FAAH2: variants seen among roughly 807,000 people sequenced by gnomAD.
FAAH2 encodes the protein fatty acid amide hydrolase 2, also known as fatty-acid amide hydrolase 2.
In FAAH2, 60 loss-of-function variants were observed where a neutral mutation model predicts 36.9. The observed-to-expected ratio is 1.63, with a 90% CI of 1.32 to 2.02. The LOEUF (loss-of-function observed/expected upper bound fraction) is 2.02. FAAH2 is among the 30% of genes most tolerant of loss of function. The pLI, the probability that FAAH2 is intolerant of heterozygous loss-of-function variation, is 0.00. For missense variants in FAAH2, 689 were observed against 397.5 expected (o/e 1.73, Z -6.23); for synonymous variants, 214 against 143.8 (o/e 1.49, Z -3.49).
At chrX:57,377,392 T>C (rs1456198180) in intron 5 of FAAH2, among the ~76,000 whole-genome samples, 1 of 112,557 alleles carries the variant, frequency 8.9e-6, no homozygotes, top group Non-Finnish European at 1.9e-5. Flanking sequence ...GCACCATTTA[T>C]TAAATAGGGA....
At chrX:57,253,859 C>T in the FAAH2 span, among the ~76,000 whole-genome samples, 382 of 111,804 alleles carry the variant, frequency 3.4e-3, 1 homozygote, top group African/African-American at 0.012. Context: ...GAAGAAATTG[C>T]ATTAATTAAT....
chrX:57,127,859 G>A, the FAAH2 span, among the ~76,000 whole-genome samples: 5 of 111,219 alleles, frequency 4.5e-5, no homozygotes, highest in African/African-American at 1.6e-4. Flanking sequence ...AAATATAAAC[G>A]TAAATATAGG....
chrX:57,446,954 T>G lies in FAAH2; in HGVS notation c.1143T>G (p.Leu381=). 1 of 1,209,822 alleles carries G rather than the reference T, an allele frequency of 8.3e-7. No homozygotes were observed. Among genetic ancestry groups the G allele is most frequent in the East Asian group, 3.0e-5 (1 of 33,759 alleles). Residue 381 remains leucine (L), a synonymous_variant, in exon 9 of 11, where the codon CTT becomes CTG. Coordinates refer to ENST00000374900, the MANE Select transcript of FAAH2 (RefSeq NM_174912.4). The part of the protein sequence containing the change: ...GKEPVKFVDL[L]GDHGKHVSPL... ...AACCTGTGAAATTTGTAGATTTGCT[T>G]GGTGACCATGGGAAACATGTCAGTC...
At chrX:57,268,806 G>T in the FAAH2 span, among the ~76,000 whole-genome samples, 1 of 111,915 alleles carries the variant, frequency 8.9e-6, no homozygotes, top group Non-Finnish European at 1.9e-5. Context: ...ACACAAACCA[G>T]TGACATTATA....
the FAAH2 span, among the ~76,000 whole-genome samples, chrX:57,231,222 C>T: frequency 1.8e-5 from 2 of 110,681 alleles, no homozygotes; most frequent in Non-Finnish European, 3.8e-5. Context: ...CACTTTTATT[C>T]ATGATTTTCT....
chrX:57,293,233 TGA>T (rs1569235349), intron 2 of FAAH2, among the ~76,000 whole-genome samples: 1 of 111,659 alleles, frequency 9.0e-6, no homozygotes, highest in African/African-American at 3.3e-5. Context: ...TTATTAAAAT[TGA>T]GTCACTTATT....
At chrX:57,314,450 G>A (rs2052780253) in intron 3 of FAAH2, among the ~76,000 whole-genome samples, 1 of 111,387 alleles carries the variant, frequency 9.0e-6, no homozygotes, top group Admixed American at 9.6e-5. Flanking sequence ...CAACTCATCT[G>A]TACATGGAGC....
At chrX:57,445,827 T>C (rs1249401709) in intron 8 of FAAH2, among the ~76,000 whole-genome samples, 2 of 112,203 alleles carry the variant, frequency 1.8e-5, no homozygotes, top group Non-Finnish European at 3.8e-5. Flanking sequence ...ACAGCTGATG[T>C]TGTACTAGGT....
At chrX:57,307,157 C>A (rs1162560836) in intron 2 of FAAH2, among the ~76,000 whole-genome samples, 1 of 103,405 alleles carries the variant, frequency 9.7e-6, no homozygotes, top group Non-Finnish European at 2.0e-5. Flanking sequence ...TTAGAATGAG[C>A]CATGTTTTCT....
chrX:57,312,083 C>G (rs1287354192), intron 3 of FAAH2, among the ~76,000 whole-genome samples: 1 of 112,180 alleles, frequency 8.9e-6, no homozygotes, highest in Admixed American at 9.4e-5. Flanking sequence ...GCTGGTGGTA[C>G]AGAATAGCTA....
chrX:57,204,128 G>A, the FAAH2 span, among the ~76,000 whole-genome samples: 1 of 111,026 alleles, frequency 9.0e-6, no homozygotes, highest in African/African-American at 3.3e-5. Context: ...GATTCCATGG[G>A]AATCATTGTG....
the FAAH2 span, among the ~76,000 whole-genome samples, chrX:57,141,229 A>G: frequency 8.9e-6 from 1 of 112,112 alleles, no homozygotes; most frequent in Middle Eastern, 4.2e-3. Context: ...TTTATGTGAT[A>G]TATCACGTTT....
chrX:57,470,981 C>G (rs1410817705), intron 10 of FAAH2, among the ~76,000 whole-genome samples: 1 of 111,651 alleles, frequency 9.0e-6, no homozygotes, highest in Non-Finnish European at 1.9e-5. Flanking sequence ...CTAAACAGAA[C>G]CAAAGACAAA....
chrX:57,356,620 T>C (rs1318590543), intron 5 of FAAH2, among the ~76,000 whole-genome samples: 3 of 110,859 alleles, frequency 2.7e-5, no homozygotes, highest in Non-Finnish European at 5.7e-5. Flanking sequence ...ATTTCTGTTT[T>C]TAGTTACTTG....
the FAAH2 span, among the ~76,000 whole-genome samples, chrX:57,247,289 GT>G: frequency 6.3e-5 from 7 of 111,048 alleles, no homozygotes; most frequent in Non-Finnish European, 1.1e-4. Flanking sequence ...AATAAGAAAA[GT>G]TTTTTTTACC....
At chrX:57,429,512 A>G (rs1025553249) in intron 7 of FAAH2, among the ~76,000 whole-genome samples, 1 of 111,882 alleles carries the variant, frequency 8.9e-6, no homozygotes, top group Non-Finnish European at 1.9e-5. Context: ...AGTAGCTATT[A>G]CTAAGAAGTC....
At chrX:57,200,274 G>A in the FAAH2 span, among the ~76,000 whole-genome samples, 1 of 108,617 alleles carries the variant, frequency 9.2e-6, no homozygotes, top group Non-Finnish European at 1.9e-5. Flanking sequence ...ATTACAATAG[G>A]CTTGCAAATA....
intron 8 of FAAH2, among the ~76,000 whole-genome samples, chrX:57,439,572 G>A (rs188300394): frequency 0.013 from 1,471 of 111,555 alleles, 10 homozygotes; most frequent in Non-Finnish European, 0.022. Flanking sequence ...TCTGATGGTA[G>A]TTTCTTTTGC....
chrX:57,253,926 T>C, the FAAH2 span, among the ~76,000 whole-genome samples: 57 of 111,604 alleles, frequency 5.1e-4, no homozygotes, highest in African/African-American at 1.9e-3. Context: ...CATAACAATA[T>C]TAACCTTAAA....
Sources: allele counts gnomAD v4.1 joint callset (sites outside exome capture counted in the v4.1 genomes callset), GRCh38; gene constraint gnomAD v4.1.1; transcripts MANE v1.5; gene names NCBI Gene and HGNC (gene_info 2026-07-23, HGNC 2026-07-21).